KHDRBS3: variants seen among roughly 807,000 people sequenced by gnomAD.
KHDRBS3 encodes the protein KH domain-containing, RNA-binding, signal transduction-associated protein 3.
In KHDRBS3, 23 loss-of-function variants were observed where a neutral mutation model predicts 45.6. The observed-to-expected ratio is 0.50, with a 90% CI of 0.36 to 0.72. The LOEUF (loss-of-function observed/expected upper bound fraction) is 0.72, where lower values mean the gene tolerates loss of function less well. KHDRBS3 is among the 30% of genes least tolerant of loss of function. KHDRBS3 has a pLI of 0.00. For missense variants in KHDRBS3, 352 were observed against 424.8 expected (o/e 0.83, Z 1.51); for synonymous variants, 162 against 156.5 (o/e 1.04, Z -0.26).
At chr8:135,598,583 AATG>A (rs1446404769) in intron 6 of KHDRBS3, among the ~76,000 whole-genome samples, 1 of 152,154 alleles carries the variant, frequency 6.6e-6, no homozygotes, top group Middle Eastern at 3.2e-3. Context: ...TTAATTCTTA[AATG>A]ATGACTTATT....
intron 7 of KHDRBS3, among the ~76,000 whole-genome samples, chr8:135,639,221 A>G (rs564334835): frequency 6.6e-6 from 1 of 152,330 alleles, no homozygotes; most frequent in South Asian, 2.1e-4. Context: ...TGAAGTTGAA[A>G]GGCTAACTGG....
downstream of KHDRBS3, among the ~76,000 whole-genome samples, chr8:135,651,941 T>A (rs574755027): frequency 2.6e-5 from 4 of 152,150 alleles, no homozygotes; most frequent in Admixed American, 1.3e-4. Context: ...AATGAAAGAC[T>A]CTGGTCACTG....
At chr8:135,581,802 G>A (rs898598444) in intron 5 of KHDRBS3, 76 bp from the exon 6 acceptor site, 3 of 1,110,766 alleles carry the variant, frequency 2.7e-6, no homozygotes, top group Non-Finnish European at 2.4e-6. Flanking sequence ...TTTTGTTTCT[G>A]AGGTATAAAT....
At chr8:135,547,355 G>A (rs916011987) in intron 3 of KHDRBS3, among the ~76,000 whole-genome samples, 1 of 152,130 alleles carries the variant, frequency 6.6e-6, no homozygotes, top group African/African-American at 2.4e-5. Context: ...TATATACACT[G>A]TCTCCTTTCG....
In KHDRBS3 at chr8:135,612,522, C is replaced by T. The variant is rs1008321622; in HGVS notation, c.890+5485C>T. ...CCCAGTTTTCAGATGCACTGGTGGG[C>T]AGTGCCATGTAGCACTTGATGTCTT... On this transcript the variant is annotated intron_variant, in intron 7 of 8. Coordinates refer to ENST00000355849, the MANE Select transcript of KHDRBS3 (RefSeq NM_006558.3). Among the ~76,000 whole-genome samples the T allele has an allele frequency of 2.6e-5, 4 of 151,890 alleles. No individual in the cohort carries two copies. The East Asian group carries it at 7.7e-4, about 29-fold the overall frequency.
At chr8:135,514,257 G>C (rs1428329146) in intron 1 of KHDRBS3, among the ~76,000 whole-genome samples, 1 of 152,226 alleles carries the variant, frequency 6.6e-6, no homozygotes, top group East Asian at 1.9e-4. Flanking sequence ...GGAAAAAAGA[G>C]ATTAAAGGGT....
chr8:135,634,786 G>A (rs1466909989), intron 7 of KHDRBS3, among the ~76,000 whole-genome samples: 2 of 152,110 alleles, frequency 1.3e-5, no homozygotes, highest in African/African-American at 4.8e-5. Context: ...TGTGACATCG[G>A]GCTCTGTCCT....
chr8:135,647,158 G>A lies in KHDRBS3; in HGVS notation c.*74G>A. 5 of 534,468 alleles carry A rather than the reference G, an allele frequency of 9.4e-6. No homozygotes were observed. The South Asian group carries it at 9.7e-5, about 10-fold the overall frequency. The allele number at this position is 534,468 out of a possible 1,614,324, so 33.1% of individuals were successfully genotyped here. A position where few individuals can be genotyped will look rare whatever the true frequency, so the allele number is the denominator to read the frequency against. On this transcript the variant is annotated 3_prime_UTR_variant, in exon 9 of 9. Transcript: ENST00000355849. ...ACTGTTCAAAGTAATTTTTTTCTAT[G>A]AACAATCCCTTTTTAAATAAATCAG...
rs746762152 is a variant in KHDRBS3, at chr8:135,607,044, G to A, written c.890+7G>A. The A allele has an allele frequency of 1.2e-6, 2 of 1,607,814 alleles. No individual in the cohort carries two copies. Among genetic ancestry groups the A allele is most frequent in the Admixed American group, 3.3e-5 (2 of 59,902 alleles). On this transcript the variant is annotated splice_region_variant and intron_variant, in intron 7 of 8. Transcript: ENST00000355849. ...ATAGCACCCCAGCCCAAAGGTAAGA[G>A]TCAGTCTTTATTACCAGACCCCACA...
intron 6 of KHDRBS3, among the ~76,000 whole-genome samples, chr8:135,586,997 T>C (rs1053327050): frequency 2.6e-5 from 4 of 152,218 alleles, no homozygotes; most frequent in African/African-American, 7.2e-5. Flanking sequence ...TATTCTGATA[T>C]AGTTTTAGGC....
chr8:135,534,284 G>T (rs1423610413), intron 2 of KHDRBS3, among the ~76,000 whole-genome samples: 1 of 151,818 alleles, frequency 6.6e-6, no homozygotes, highest in East Asian at 1.9e-4. Context: ...TTGTTGGCCA[G>T]TTAGACCCCA....
intron 5 of KHDRBS3, among the ~76,000 whole-genome samples, chr8:135,558,661 G>A (rs1827013771): frequency 1.3e-5 from 2 of 152,138 alleles, no homozygotes; most frequent in Non-Finnish European, 2.9e-5. Context: ...TAGGTACTCA[G>A]TAAATGGTAA....
chr8:135,596,364 C>A (rs1370133975), intron 6 of KHDRBS3, among the ~76,000 whole-genome samples: 1 of 152,134 alleles, frequency 6.6e-6, no homozygotes, highest in Admixed American at 6.6e-5. Context: ...CTTAAGGGTC[C>A]ACCCAGCTTA....
chr8:135,622,805 C>A (rs1830201930), intron 7 of KHDRBS3, among the ~76,000 whole-genome samples: 1 of 152,124 alleles, frequency 6.6e-6, no homozygotes, highest in South Asian at 2.1e-4. Context: ...GCCTTGACAC[C>A]CAGTGTAGTT....
intron 6 of KHDRBS3, among the ~76,000 whole-genome samples, chr8:135,597,880 C>T (rs1401334963): frequency 6.6e-6 from 1 of 151,946 alleles, no homozygotes; most frequent in Non-Finnish European, 1.5e-5. Flanking sequence ...GTTAGTTTTC[C>T]CTTCACTTGT....
At chr8:135,549,148 A>G (rs1826457791) in intron 4 of KHDRBS3, 1 of 297,978 alleles carries the variant, frequency 3.4e-6, no homozygotes, top group Non-Finnish European at 6.1e-6. Flanking sequence ...AAAAACTTGC[A>G]TAGCACAATC....
intron 2 of KHDRBS3, among the ~76,000 whole-genome samples, chr8:135,532,745 T>A (rs2130719427): frequency 6.6e-6 from 1 of 152,252 alleles, no homozygotes; most frequent in East Asian, 1.9e-4. Flanking sequence ...ATCCTAGAAG[T>A]CTGACTCCAG....
intron 1 of KHDRBS3, among the ~76,000 whole-genome samples, chr8:135,494,498 T>G (rs1449973094): frequency 6.6e-6 from 1 of 152,108 alleles, no homozygotes; most frequent in African/African-American, 2.4e-5. Context: ...CAGGATGGTC[T>G]AGATCTCCTG....
chr8:135,653,848 T>A (rs934958195), intron 4 of KHDRBS3, among the ~76,000 whole-genome samples: 4 of 152,200 alleles, frequency 2.6e-5, no homozygotes, highest in African/African-American at 9.7e-5. Flanking sequence ...GTTTTCTTAG[T>A]GGAAGTGTGA....
Sources: allele counts gnomAD v4.1 joint callset (sites outside exome capture counted in the v4.1 genomes callset), GRCh38; gene constraint gnomAD v4.1.1; transcripts MANE v1.5; gene names NCBI Gene and HGNC (gene_info 2026-07-23, HGNC 2026-07-21).